Variants in CNTN6 observed in about 807,000 individuals in gnomAD.
CNTN6 encodes the protein contactin 6.
In CNTN6, 137 loss-of-function variants were observed where a neutral mutation model predicts 122.8. That is an observed-to-expected ratio of 1.12 (90% CI 0.97 to 1.29). The LOEUF (loss-of-function observed/expected upper bound fraction) is 1.29. CNTN6 is among the 50% of genes most tolerant of loss of function. The pLI, the probability that CNTN6 is intolerant of heterozygous loss-of-function variation, is 0.00. For synonymous variants in CNTN6, 570 were observed against 426.0 expected (o/e 1.34, Z -4.16); for missense variants, 1,634 against 1,223.4 (o/e 1.34, Z -5.01).
intron 4 of CNTN6, among the ~76,000 whole-genome samples, chr3:1,255,346 A>G (rs1402656547): frequency 6.6e-6 from 1 of 151,956 alleles, no homozygotes; most frequent in African/African-American, 2.4e-5. Flanking sequence ...GGGTAAGAAT[A>G]TTCCATAGAC....
At chr3:1,392,814 C>T (rs1424452637) in intron 20 of CNTN6, among the ~76,000 whole-genome samples, 1 of 137,138 alleles carries the variant, frequency 7.3e-6, no homozygotes. Flanking sequence ...AAATGCTCAT[C>T]ATCACTGGCC....
chr3:1,099,506 CT>C (rs2090764402), intron 1 of CNTN6, among the ~76,000 whole-genome samples: 1 of 151,962 alleles, frequency 6.6e-6, no homozygotes, highest in Admixed American at 6.6e-5. Context: ...TATATTTCAC[CT>C]TATGTGTTTT....
chr3:1,316,879 G>T (rs549681757), intron 7 of CNTN6, among the ~76,000 whole-genome samples: 2 of 151,982 alleles, frequency 1.3e-5, no homozygotes, highest in Non-Finnish European at 1.5e-5. Flanking sequence ...AAGAGAAATG[G>T]TGTCAAATCT....
intron 4 of CNTN6, among the ~76,000 whole-genome samples, chr3:1,248,706 G>C (rs1280310342): frequency 6.6e-6 from 1 of 151,948 alleles, no homozygotes; most frequent in East Asian, 1.9e-4. Context: ...TGTAATCCCA[G>C]CTACTTGGGA....
At chr3:1,094,329 A>C (rs1209386784) in intron 1 of CNTN6, among the ~76,000 whole-genome samples, 3 of 152,214 alleles carry the variant, frequency 2.0e-5, no homozygotes, top group Non-Finnish European at 4.4e-5. Flanking sequence ...ATAAACATAC[A>C]AAAATACTTA....
chr3:1,128,368 T>C (rs2092236139), intron 1 of CNTN6: 1 of 152,012 alleles, frequency 6.6e-6, no homozygotes, highest in Non-Finnish European at 1.5e-5. Context: ...TGTGCTTCTT[T>C]ATTAACCAGG....
At chr3:1,355,159 C>T (rs1055081608) in intron 12 of CNTN6, among the ~76,000 whole-genome samples, 5 of 151,560 alleles carry the variant, frequency 3.3e-5, no homozygotes, top group African/African-American at 9.7e-5. Context: ...TTTAAGTGGA[C>T]TTTGGGGTCT....
At chr3:1,274,473 TAATACTTTTGTTATTA>T (rs1465202939) in intron 4 of CNTN6, among the ~76,000 whole-genome samples, 10 of 152,266 alleles carry the variant, frequency 6.6e-5, no homozygotes, top group African/African-American at 1.4e-4. Context: ...GAGTTTATCT[TAATACTTTTGTTATTA>T]AATACTTTTG....
At chr3:1,340,279 CAG>C (rs931464254) in intron 11 of CNTN6, among the ~76,000 whole-genome samples, 23 of 151,920 alleles carry the variant, frequency 1.5e-4, no homozygotes, top group Admixed American at 1.1e-3. Context: ...TTTGTTTCTT[CAG>C]AGTTATACTA....
At chr3:1,371,856 C>G (rs1009469646) in intron 12 of CNTN6, among the ~76,000 whole-genome samples, 2 of 152,230 alleles carry the variant, frequency 1.3e-5, no homozygotes, top group Non-Finnish European at 2.9e-5. Context: ...AAACGTATGT[C>G]TAAATCTCTA....
rs534664635 is a variant in CNTN6, at chr3:1,196,639, A to G, written c.56-24048A>G. Reference sequence around the variant, plus strand: ...CTGACTTATCATAGGCCCTCGAAAGATATTCCTTCCAAAAACAATGACAGC... The same window carrying G: ...CTGACTTATCATAGGCCCTCGAAAGGTATTCCTTCCAAAAACAATGACAGC... On this transcript the variant is annotated intron_variant, in intron 2 of 22. Transcript: ENST00000446702. Among the ~76,000 whole-genome samples the G allele has an allele frequency of 2.6e-5, 4 of 152,310 alleles. No individual in the cohort carries two copies. In the South Asian group the frequency reaches 8.3e-4, roughly 32 times the overall value.
chr3:1,390,789 G>C lies in CNTN6; in HGVS notation c.2704+4992G>C, dbSNP rs552592990. On this transcript the variant is annotated intron_variant, in intron 20 of 22. Transcript: ENST00000446702. Reference sequence around the variant, plus strand: ...AATACTACAAACACCTCTATGCAAAGAAACTAGAAAATCTAGAAGAAATGG... The same window carrying C: ...AATACTACAAACACCTCTATGCAAACAAACTAGAAAATCTAGAAGAAATGG... 1.3e-3 allele frequency among the ~76,000 whole-genome samples: 203 copies of C among 150,772 alleles called. 1 individual carries two copies. The highest frequency in any genetic ancestry group is 4.6e-3 in the African/African-American group (191 of 41,184).
intron 7 of CNTN6, 40 bp from the exon 8 acceptor site, chr3:1,321,610 A>T (rs1170083372): frequency 5.2e-6 from 8 of 1,525,434 alleles, no homozygotes; most frequent in Middle Eastern, 3.5e-4. Context: ...TGTCATAAAG[A>T]TTAAACCGTC....
chr3:1,312,187 C>T (rs192684037), intron 7 of CNTN6, among the ~76,000 whole-genome samples: 75 of 151,448 alleles, frequency 5.0e-4, no homozygotes, highest in Middle Eastern at 6.9e-3. Flanking sequence ...AGACACACTC[C>T]GAATCTAATG....
rs2094197406 is a variant in CNTN6, at chr3:1,220,786, C to T, written c.155C>T (p.Ala52Val). The stretch of plus-strand genomic sequence containing the variant: ...TCTGAGGTCATCCTGAATTGTGCTG[C>T]TAATGGTTACCCTTCGCCTCATTAT... ...SKSEVILNCA[A>V]NGYPSPHYRW... is the part of the protein sequence containing the mutation. Residue 52 changes from alanine to valine, a missense_variant, in exon 3 of 23, where the codon GCT (alanine) becomes GTT (valine). By Grantham distance (64) the Ala-to-Val change is moderately conservative. Transcript: ENST00000446702. The T allele has an allele frequency of 3.1e-6, 5 of 1,611,596 alleles. No individual in the cohort carries two copies. The highest frequency in any genetic ancestry group is 3.4e-6 in the Non-Finnish European group (4 of 1,178,748).
intron 7 of CNTN6, among the ~76,000 whole-genome samples, chr3:1,319,655 G>A (rs1017797005): frequency 1.3e-5 from 2 of 151,376 alleles, no homozygotes; most frequent in African/African-American, 4.8e-5. Flanking sequence ...TACTTTGCAT[G>A]TATTTGTTAT....
At chr3:1,249,875 C>T (rs1281148153) in intron 4 of CNTN6, among the ~76,000 whole-genome samples, 2 of 151,992 alleles carry the variant, frequency 1.3e-5, no homozygotes, top group Non-Finnish European at 2.9e-5. Flanking sequence ...CTGGAGGCTG[C>T]ACCCTCTGCC....
chr3:1,359,101 G>A (rs747979735), intron 12 of CNTN6, among the ~76,000 whole-genome samples: 12 of 151,916 alleles, frequency 7.9e-5, no homozygotes, highest in Non-Finnish European at 1.0e-4. Flanking sequence ...TGTATAATTC[G>A]CTACAGCCAG....
intron 5 of CNTN6, among the ~76,000 whole-genome samples, chr3:1,282,422 T>A (rs1485809621): frequency 1.3e-5 from 2 of 152,232 alleles, no homozygotes; most frequent in Admixed American, 6.5e-5. Context: ...CTCTATTTTA[T>A]CATTTCAAAA....
Sources: gnomAD v4.1 joint callset for allele counts (sites outside exome capture counted in the v4.1 genomes callset) on GRCh38, gnomAD v4.1.1 for gene constraint, MANE v1.5 for transcripts, NCBI Gene and HGNC (gene_info 2026-07-23, HGNC 2026-07-21) for gene names.